CETN3: variants seen among roughly 807,000 people sequenced by gnomAD.
The protein encoded by CETN3 is centrin-3.
Under a neutral mutation model 20.1 loss-of-function variants are expected in CETN3, and 17 were observed. The ratio of observed to expected loss-of-function variants is 0.85; its 90% CI spans 0.58 to 1.27. The LOEUF (loss-of-function observed/expected upper bound fraction) is 1.27, where lower values mean the gene tolerates loss of function less well. CETN3 is among the 50% of genes most tolerant of loss of function. CETN3 has a pLI of 0.00. For missense variants in CETN3, 169 were observed against 191.2 expected, an observed-to-expected ratio of 0.88 and a Z score of 0.69; for synonymous variants, 52 against 59.7, an observed-to-expected ratio of 0.87 and a Z score of 0.59.
In CETN3 at chr5:90,393,509, T is replaced by G. The variant is rs1360204823; in HGVS notation, c.*555A>C. The G allele has an allele frequency of 1.3e-5, 2 of 152,252 alleles. No homozygotes were observed. Among genetic ancestry groups the G allele is most frequent in the African/African-American group, 2.4e-5 (1 of 41,446 alleles). 9.4% of individuals were successfully genotyped at this position (152,252 alleles called of 1,614,324 possible). On this transcript the variant is annotated 3_prime_UTR_variant, in exon 5 of 5. Coordinates refer to ENST00000283122, the MANE Select transcript of CETN3 (RefSeq NM_004365.4). ...AAAGACAGGACTCTTAAAAAAGGAATTAGGCTTATATTGAGTCAGCTTGTA... is the reference window on the plus strand; with the variant it reads ...AAAGACAGGACTCTTAAAAAAGGAAGTAGGCTTATATTGAGTCAGCTTGTA...
At chr5:90,408,366 A>G (rs1160173774) in intron 1 of CETN3, among the ~76,000 whole-genome samples, 1 of 152,204 alleles carries the variant, frequency 6.6e-6, no homozygotes, top group Non-Finnish European at 1.5e-5. Flanking sequence ...TTGGTTCAAA[A>G]TGTTTTTAGA....
intron 3 of CETN3, among the ~76,000 whole-genome samples, chr5:90,401,499 C>T (rs1303244542): frequency 6.6e-6 from 1 of 152,168 alleles, no homozygotes; most frequent in Non-Finnish European, 1.5e-5. Context: ...AAATGTACTT[C>T]ATCAAAATAC....
intron 3 of CETN3, among the ~76,000 whole-genome samples, chr5:90,403,685 A>C (rs897245643): frequency 4.0e-5 from 6 of 150,798 alleles, no homozygotes; most frequent in Non-Finnish European, 8.9e-5. Context: ...TCCCGGCTAA[A>C]ACGGTGAAAC....
chr5:90,405,797 C>T lies in CETN3; in HGVS notation c.156G>A (p.Val52=). 1.3e-6 allele frequency: 2 copies of T among 1,595,812 alleles called. No individual in the cohort carries two copies. The highest frequency in any genetic ancestry group is 1.1e-5 in the South Asian group (1 of 87,814). ...CATCAAACCCCAAGGCTCTCATTGC[C>T]ACCTTTTGGATTAAAAAGGAAAAGC... ...DEAIDYHELK[V]AMRALGFDVK... The change falls in exon 3 of 5, where the codon GTG becomes GTA. Residue 52 remains valine (V), a splice_region_variant and synonymous_variant. Coordinates refer to ENST00000283122, the MANE Select transcript of CETN3 (RefSeq NM_004365.4).
chr5:90,405,046 T>C (rs1265048328), intron 3 of CETN3, among the ~76,000 whole-genome samples: 1 of 152,182 alleles, frequency 6.6e-6, no homozygotes, highest in Non-Finnish European at 1.5e-5. Context: ...AATTTAGCCA[T>C]ATTAAGCCTA....
At chr5:90,396,026 A>ATTGGTCT (rs1749129631) in intron 4 of CETN3, 4 of 894,628 alleles carry the variant, frequency 4.5e-6, no homozygotes, top group Admixed American at 6.2e-5. Context: ...TTGAAAAAAA[A>ATTGGTCT]TCCTTCACAA....
intron 3 of CETN3, among the ~76,000 whole-genome samples, chr5:90,400,795 T>G (rs1749270146): frequency 6.6e-6 from 1 of 152,124 alleles, no homozygotes; most frequent in Non-Finnish European, 1.5e-5. Flanking sequence ...ATTAATTTTA[T>G]CCAAAAAGGC....
intron 3 of CETN3, among the ~76,000 whole-genome samples, chr5:90,403,192 C>G (rs1162971448): frequency 6.6e-6 from 1 of 152,140 alleles, no homozygotes; most frequent in Admixed American, 6.5e-5. Context: ...ATCTGTGGAA[C>G]AGTGTCCTTG....
At chr5:90,408,827 T>C (rs1004447388) in intron 1 of CETN3, among the ~76,000 whole-genome samples, 6 of 144,976 alleles carry the variant, frequency 4.1e-5, no homozygotes, top group Non-Finnish European at 9.0e-5. Context: ...AGCTAGGAAG[T>C]GACTAGTAGG....
At chr5:90,401,841 T>G (rs1470994305) in intron 3 of CETN3, among the ~76,000 whole-genome samples, 4 of 151,860 alleles carry the variant, frequency 2.6e-5, no homozygotes, top group Admixed American at 2.0e-4. Flanking sequence ...GAGAATACTG[T>G]TTTTTTTCTA....
At chr5:90,396,672 T>G in intron 4 of CETN3, 3 of 750,868 alleles carry the variant, frequency 4.0e-6, no homozygotes, top group Non-Finnish European at 5.7e-6. Flanking sequence ...AAAAAGTACT[T>G]GTTACTTAAA....
At chr5:90,409,488 G>A (rs1254515516) in intron 1 of CETN3, among the ~76,000 whole-genome samples, 157 bp downstream of exon 1, 1 of 152,228 alleles carries the variant, frequency 6.6e-6, no homozygotes, top group South Asian at 2.1e-4. Flanking sequence ...AGAGCCCAGA[G>A]GGTGAGTGAT....
chr5:90,396,966 C>T (rs1337946776), intron 4 of CETN3, among the ~76,000 whole-genome samples: 1 of 151,952 alleles, frequency 6.6e-6, no homozygotes, highest in African/African-American at 2.4e-5. Flanking sequence ...ATTTACATAG[C>T]ATTTACATTG....
chr5:90,393,231 TTC>T lies in CETN3; in HGVS notation c.*831_*832del, dbSNP rs1479740144. 8 of 152,206 alleles carry T rather than the reference TTC, an allele frequency of 5.3e-5. No homozygotes were observed. The highest frequency in any genetic ancestry group is 5.2e-4 in the Admixed American group (8 of 15,284). 9.4% of individuals were successfully genotyped at this position (152,206 alleles called of 1,614,324 possible). Reference sequence around the variant, plus strand: ...TAGGTAAAACATAGACTTAAATTATTTCTGTGGCTTACAGTTTTCTATTTTCA... The same window carrying T: ...TAGGTAAAACATAGACTTAAATTATTTGTGGCTTACAGTTTTCTATTTTCA... On this transcript the variant is annotated 3_prime_UTR_variant, in exon 5 of 5. Transcript: ENST00000283122.
intron 4 of CETN3, 40 bp from the exon 5 acceptor site, chr5:90,394,147 C>T: frequency 3.6e-6 from 5 of 1,371,256 alleles, no homozygotes; most frequent in Non-Finnish European, 4.0e-6. Context: ...GAAATATAAA[C>T]ATTTTATTTT....
chr5:90,408,489 A>G (rs1749526379), intron 1 of CETN3, among the ~76,000 whole-genome samples: 1 of 152,246 alleles, frequency 6.6e-6, no homozygotes, highest in African/African-American at 2.4e-5. Context: ...ATGCCAATAT[A>G]CAATGTTTGT....
At chr5:90,394,876 GAATAT>G (rs75197982) in intron 4 of CETN3, among the ~76,000 whole-genome samples, 27,923 of 151,902 alleles carry the variant, frequency 0.18, 3,203 homozygotes, top group South Asian at 0.26. Context: ...TAATCTTATA[GAATAT>G]AATTTTGAAA....
intron 3 of CETN3, among the ~76,000 whole-genome samples, chr5:90,400,964 T>C (rs1048144811): frequency 6.6e-6 from 1 of 152,096 alleles, no homozygotes; most frequent in Non-Finnish European, 1.5e-5. Flanking sequence ...TTGAATTTAG[T>C]CCCAACAAAA....
chr5:90,402,085 C>T (rs1366396955), intron 3 of CETN3, among the ~76,000 whole-genome samples: 2 of 152,152 alleles, frequency 1.3e-5, no homozygotes, highest in African/African-American at 4.8e-5. Flanking sequence ...CTCCTGTGAG[C>T]GAGCAATCCT....
Sources: gnomAD v4.1 joint callset for allele counts (sites outside exome capture counted in the v4.1 genomes callset) on GRCh38, gnomAD v4.1.1 for gene constraint, MANE v1.5 for transcripts, NCBI Gene and HGNC (gene_info 2026-07-23, HGNC 2026-07-21) for gene names.